CNTNAP2: variants seen among roughly 807,000 people sequenced by gnomAD.
CNTNAP2 encodes contactin associated protein 2, also known as contactin-associated protein-like 2.
Under a neutral mutation model 155.2 loss-of-function variants are expected in CNTNAP2, and 98 were observed. The ratio of observed to expected loss-of-function variants is 0.63; its 90% CI spans 0.54 to 0.75. The LOEUF (loss-of-function observed/expected upper bound fraction) is 0.75. CNTNAP2 is among the 30% of genes least tolerant of loss of function. CNTNAP2 has a pLI of 0.00. For synonymous variants in CNTNAP2, 651 were observed against 631.2 expected, an observed-to-expected ratio of 1.03 and a Z score of -0.47; for missense variants, 1,727 against 1,688.1, an observed-to-expected ratio of 1.02 and a Z score of -0.40.
intron 8 of CNTNAP2, among the ~76,000 whole-genome samples, chr7:147,137,860 AATAG>A (rs1056991491): frequency 8.2e-5 from 12 of 145,600 alleles, no homozygotes; most frequent in African/African-American, 3.0e-4. Context: ...ATGATTGGAA[AATAG>A]ATAGATACGT....
At chr7:146,701,682 T>C (rs922198047) in intron 1 of CNTNAP2, among the ~76,000 whole-genome samples, 4 of 149,542 alleles carry the variant, frequency 2.7e-5, no homozygotes, top group African/African-American at 1.0e-4. Context: ...CACACACACA[T>C]AGAATTGTAT....
At chr7:146,988,714 C>G (rs1798159127) in intron 3 of CNTNAP2, among the ~76,000 whole-genome samples, 1 of 152,118 alleles carries the variant, frequency 6.6e-6, no homozygotes, top group Non-Finnish European at 1.5e-5. Flanking sequence ...ATGACTAATA[C>G]ACAGACCAAA....
intron 21 of CNTNAP2, among the ~76,000 whole-genome samples, chr7:148,327,828 A>AT (rs765272205): frequency 1.4e-4 from 21 of 152,122 alleles, no homozygotes; most frequent in Admixed American, 4.6e-4. Flanking sequence ...TGGATCACAG[A>AT]TCCCCCCACT....
rs1041166074 is a variant in CNTNAP2, at chr7:148,128,609, C to T, written c.2554+10321C>T. Among the ~76,000 whole-genome samples the T allele has an allele frequency of 4.6e-5, 7 of 152,156 alleles. No homozygotes were observed. In the East Asian group the frequency reaches 1.2e-3, roughly 25 times the overall value. On this transcript the variant is annotated intron_variant, in intron 16 of 23. Coordinates refer to ENST00000361727, the MANE Select transcript of CNTNAP2 (RefSeq NM_014141.6). Reference sequence around the variant, plus strand: ...TTTATCCAGATTTCTTTGCCAATTACACTGAAGGGACAGTTATTTGAATGT... The same window carrying T: ...TTTATCCAGATTTCTTTGCCAATTATACTGAAGGGACAGTTATTTGAATGT...
intron 10 of CNTNAP2, among the ~76,000 whole-genome samples, chr7:147,467,604 A>C (rs1798142904): frequency 6.6e-6 from 1 of 152,252 alleles, no homozygotes; most frequent in East Asian, 1.9e-4. Flanking sequence ...CGACGGATAC[A>C]TTAAAAGCTC....
chr7:147,260,446 T>C (rs1296496473), intron 8 of CNTNAP2, among the ~76,000 whole-genome samples: 1 of 152,162 alleles, frequency 6.6e-6, no homozygotes, highest in Non-Finnish European at 1.5e-5. Flanking sequence ...TAAAAAGCCT[T>C]GTAGATTATC....
intron 1 of CNTNAP2, among the ~76,000 whole-genome samples, chr7:146,370,453 GAA>G (rs1038961776): frequency 7.1e-6 from 1 of 140,692 alleles, no homozygotes; most frequent in African/African-American, 2.6e-5. Context: ...AGAGAAAAAG[GAA>G]AAAAAAAACA....
At chr7:147,329,315 T>C (rs1795515390) in intron 9 of CNTNAP2, among the ~76,000 whole-genome samples, 1 of 152,098 alleles carries the variant, frequency 6.6e-6, no homozygotes, top group South Asian at 2.1e-4. Context: ...AGTTATACAT[T>C]CTTATAATTT....
At chr7:147,146,924 G>A (rs1342223077) in intron 8 of CNTNAP2, among the ~76,000 whole-genome samples, 2 of 152,142 alleles carry the variant, frequency 1.3e-5, no homozygotes, top group Non-Finnish European at 2.9e-5. Context: ...CTTCTGCTGG[G>A]ATCACATAGA....
At chr7:147,310,909 T>C (rs968256090) in intron 9 of CNTNAP2, among the ~76,000 whole-genome samples, 1 of 152,106 alleles carries the variant, frequency 6.6e-6, no homozygotes. Flanking sequence ...GTTGGGTCAG[T>C]GGATAGAAAA....
intron 4 of CNTNAP2, among the ~76,000 whole-genome samples, chr7:147,066,610 C>T (rs1799783538): frequency 6.6e-6 from 1 of 152,162 alleles, no homozygotes; most frequent in Non-Finnish European, 1.5e-5. Flanking sequence ...AGTGTTCACA[C>T]AGACTCTAAC....
At chr7:148,157,214 C>T (rs1473882296) in intron 17 of CNTNAP2, among the ~76,000 whole-genome samples, 1 of 152,028 alleles carries the variant, frequency 6.6e-6, no homozygotes, top group Non-Finnish European at 1.5e-5. Flanking sequence ...TGTTGAAACC[C>T]CAGAAAATTA....
intron 1 of CNTNAP2, among the ~76,000 whole-genome samples, chr7:146,459,877 T>A (rs1390378015): frequency 6.6e-6 from 1 of 152,106 alleles, no homozygotes; most frequent in East Asian, 1.9e-4. Context: ...GGCTGAGGCA[T>A]GAGAATTGCT....
chr7:147,107,200 A>C (rs953063115), intron 4 of CNTNAP2, among the ~76,000 whole-genome samples: 2 of 152,188 alleles, frequency 1.3e-5, no homozygotes, highest in Non-Finnish European at 2.9e-5. Context: ...TTGAATGGTT[A>C]CATTGCATTT....
At chr7:147,363,966 T>G (rs1216111407) in intron 9 of CNTNAP2, among the ~76,000 whole-genome samples, 1 of 152,198 alleles carries the variant, frequency 6.6e-6, no homozygotes, top group Non-Finnish European at 1.5e-5. Context: ...CGTATGCTAG[T>G]TTGACCCCTA....
chr7:147,947,508 G>A (rs1197676915), intron 14 of CNTNAP2, among the ~76,000 whole-genome samples: 4 of 151,048 alleles, frequency 2.6e-5, no homozygotes, highest in Non-Finnish European at 5.9e-5. Flanking sequence ...CATGCCTGTG[G>A]TCCCAGGTTC....
intron 8 of CNTNAP2, among the ~76,000 whole-genome samples, chr7:147,232,180 C>T (rs1803695666): frequency 6.6e-6 from 1 of 152,056 alleles, no homozygotes; most frequent in Non-Finnish European, 1.5e-5. Flanking sequence ...TTGAAGAAGG[C>T]ACAGATAAAT....
In CNTNAP2 at chr7:147,395,775, A is replaced by G; in HGVS notation, c.1665A>G (p.Ile555Met). 1 of 1,611,998 alleles carries G rather than the reference A, an allele frequency of 6.2e-7. No individual in the cohort carries two copies. Among genetic ancestry groups the G allele is most frequent in the Non-Finnish European group, 8.5e-7 (1 of 1,178,458 alleles). The part of the protein sequence containing the change: ...ANVSIDMCAI[I>M]DRCVPNHCEH... Reference sequence around the variant, plus strand: ...TCAGCATTGACATGTGTGCGATCATAGACAGGTAAATGATCTTTTCATCCT... The same window carrying G: ...TCAGCATTGACATGTGTGCGATCATGGACAGGTAAATGATCTTTTCATCCT... The change falls in exon 10 of 24, where the codon ATA becomes ATG. Residue 555 changes from isoleucine (I) to methionine (M), a missense_variant. Transcript: ENST00000361727.
In CNTNAP2 at chr7:147,850,551, A is replaced by T. The variant is rs376101675; in HGVS notation, c.2099-53014A>T. On this transcript the variant is annotated intron_variant, in intron 13 of 23. Transcript: ENST00000361727. The stretch of plus-strand genomic sequence containing the variant: ...ACAAGGCTACAGTAACCAAAACAGC[A>T]TGGTACTGGTGCCAAAACAGATATA... Among the ~76,000 whole-genome samples the T allele has an allele frequency of 4.1e-4, 63 of 152,342 alleles. No homozygotes were observed. The East Asian group carries it at 5.4e-3, about 13-fold the overall frequency.
Sources: allele counts gnomAD v4.1 joint callset (sites outside exome capture counted in the v4.1 genomes callset), GRCh38; gene constraint gnomAD v4.1.1; transcripts MANE v1.5; gene names NCBI Gene and HGNC (gene_info 2026-07-23, HGNC 2026-07-21).